The following ANO4 variants were observed in gnomAD, a reference collection of about 807,000 sequenced individuals.
The protein encoded by ANO4 is anoctamin 4.
A neutral mutation model predicts 141.9 loss-of-function variants in ANO4; 69 were observed. The ratio of observed to expected loss-of-function variants is 0.49; its 90% CI spans 0.40 to 0.59. The LOEUF (loss-of-function observed/expected upper bound fraction) is 0.59, where lower values mean the gene tolerates loss of function less well. Ranked by LOEUF, ANO4 falls within the 20% of genes least tolerant of loss-of-function variation. The pLI, the probability that ANO4 is intolerant of heterozygous loss-of-function variation, is 0.00. For synonymous variants in ANO4, 350 were observed against 394.3 expected, an observed-to-expected ratio of 0.89 and a Z score of 1.33; for missense variants, 894 against 1,162.2, an observed-to-expected ratio of 0.77 and a Z score of 3.36.
chr12:100,899,683 C>T (rs2040499985), intron 1 of ANO4, among the ~76,000 whole-genome samples: 2 of 152,164 alleles, frequency 1.3e-5, no homozygotes, highest in African/African-American at 4.8e-5. Flanking sequence ...TTTAAGGTGA[C>T]CCTTCTTACC....
intron 3 of ANO4, among the ~76,000 whole-genome samples, chr12:100,787,216 A>G (rs1054970337): frequency 7.5e-6 from 1 of 133,206 alleles, no homozygotes; most frequent in Non-Finnish European, 1.7e-5. Context: ...CATTGGGGAC[A>G]TGCAGATGGA....
chr12:100,984,253 T>G (rs2044612927), intron 7 of ANO4, among the ~76,000 whole-genome samples: 1 of 152,178 alleles, frequency 6.6e-6, no homozygotes, highest in Non-Finnish European at 1.5e-5. Flanking sequence ...CACACCACCA[T>G]GCCTGGCTAA....
intron 5 of ANO4, among the ~76,000 whole-genome samples, chr12:100,947,734 A>G (rs1214979136): frequency 6.6e-6 from 1 of 152,190 alleles, no homozygotes; most frequent in African/African-American, 2.4e-5. Flanking sequence ...ATCACTTACT[A>G]TTATAATTTC....
chr12:100,982,510 A>G (rs1387149287), intron 7 of ANO4, among the ~76,000 whole-genome samples: 2 of 152,228 alleles, frequency 1.3e-5, no homozygotes, highest in Non-Finnish European at 2.9e-5. Flanking sequence ...TTGAACTTTT[A>G]TTGGGAAAAG....
At position 100,939,393 on chromosome 12, in the gene ANO4, A is replaced by G. The variant is rs759504959; in HGVS notation, c.239A>G (p.His80Arg). 3.1e-6 allele frequency: 5 copies of G among 1,613,652 alleles called. No individual in the cohort carries two copies. The highest frequency in any genetic ancestry group is 4.2e-6 in the Non-Finnish European group (5 of 1,179,768). Residue 80 changes from histidine (H) to arginine (R), a missense_variant, in exon 4 of 28, where the codon CAC (histidine) becomes CGC (arginine). By Grantham distance (29) the His-to-Arg change is conservative. This residue lies in a region of ANO4 where 257 missense variants were observed against 253.0 expected (regional missense o/e 1.02). Coordinates refer to ENST00000392977, the MANE Select transcript of ANO4 (RefSeq NM_001286615.2). ...SPCKDDDSLLHPGNLTSTSDD... is the reference protein window; with the variant it reads ...SPCKDDDSLLRPGNLTSTSDD... ...TGCAAAGATGACGATTCTCTTCTTCACCCTGGAAACCTGACTAGTACTTCA... is the reference window on the plus strand; with the variant it reads ...TGCAAAGATGACGATTCTCTTCTTCGCCCTGGAAACCTGACTAGTACTTCA...
intron 3 of ANO4, among the ~76,000 whole-genome samples, chr12:100,768,633 A>G (rs934083873): frequency 2.8e-4 from 43 of 152,300 alleles, no homozygotes; most frequent in African/African-American, 9.4e-4. Context: ...GCCCCTACAT[A>G]GTAATTCTTC....
At chr12:101,048,104 G>T in intron 13 of ANO4, 1 of 1,153,938 alleles carries the variant, frequency 8.7e-7, no homozygotes. Context: ...GCTGATAAAT[G>T]TTCAACTAGA....
chr12:100,980,074 T>G (rs1166725969), intron 7 of ANO4, among the ~76,000 whole-genome samples: 1 of 152,062 alleles, frequency 6.6e-6, no homozygotes, highest in African/African-American at 2.4e-5. Flanking sequence ...AAGGAATGGC[T>G]TACAAAACAC....
At chr12:100,959,451 C>A (rs2043312722) in intron 5 of ANO4, among the ~76,000 whole-genome samples, 1 of 152,218 alleles carries the variant, frequency 6.6e-6, no homozygotes, top group Non-Finnish European at 1.5e-5. Flanking sequence ...CTCTTCTACA[C>A]TTCACAGAAA....
intron 3 of ANO4, among the ~76,000 whole-genome samples, chr12:100,766,869 T>C (rs554898996): frequency 6.6e-6 from 1 of 152,320 alleles, no homozygotes; most frequent in Admixed American, 6.5e-5. Flanking sequence ...TCTGTTACTA[T>C]TGCTTTATAT....
chr12:101,048,232 C>T, intron 13 of ANO4, 109 bp from the exon 14 acceptor site: 2 of 1,293,552 alleles, frequency 1.5e-6, no homozygotes, highest in Non-Finnish European at 2.2e-6. Context: ...AAAACAAAGC[C>T]TGTAAAACTC....
intron 22 of ANO4, among the ~76,000 whole-genome samples, chr12:101,102,036 A>T (rs953030336): frequency 1.3e-5 from 2 of 152,038 alleles, no homozygotes; most frequent in Non-Finnish European, 1.5e-5. Flanking sequence ...GTGAGCCAAG[A>T]TTGCACCATT....
chr12:100,938,387 T>G (rs970336589), intron 3 of ANO4, among the ~76,000 whole-genome samples: 1 of 152,340 alleles, frequency 6.6e-6, no homozygotes, highest in Middle Eastern at 3.4e-3. Flanking sequence ...AAAATGTTTT[T>G]GAATGAAAGA....
intron 1 of ANO4, among the ~76,000 whole-genome samples, chr12:100,887,140 TTTCTGG>T (rs1284398587): frequency 5.3e-5 from 8 of 152,264 alleles, no homozygotes; most frequent in Non-Finnish European, 1.2e-4. Flanking sequence ...TCATTTGATG[TTTCTGG>T]TAGTAAACCA....
intron 17 of ANO4, among the ~76,000 whole-genome samples, chr12:101,091,347 A>G (rs749344721): frequency 1.3e-5 from 2 of 152,178 alleles, no homozygotes; most frequent in Non-Finnish European, 2.9e-5. Context: ...TACCCTCCTC[A>G]GCTATCTGTG....
At chr12:101,026,869 A>G (rs1210249429) in intron 9 of ANO4, among the ~76,000 whole-genome samples, 1 of 152,208 alleles carries the variant, frequency 6.6e-6, no homozygotes, top group African/African-American at 2.4e-5. Flanking sequence ...GAAGAAAAAA[A>G]TGGATAACCT....
chr12:100,933,433 T>TG (rs2042162042), intron 3 of ANO4, among the ~76,000 whole-genome samples: 2 of 152,210 alleles, frequency 1.3e-5, no homozygotes, highest in African/African-American at 2.4e-5. Context: ...TCCATGTCCC[T>TG]GCAAAGGACG....
intron 17 of ANO4, among the ~76,000 whole-genome samples, chr12:101,093,996 C>A (rs1482853254): frequency 4.6e-5 from 7 of 152,082 alleles, no homozygotes; most frequent in African/African-American, 1.7e-4. Flanking sequence ...AAATTATTCG[C>A]CCCAAAATAA....
intron 5 of ANO4, among the ~76,000 whole-genome samples, chr12:100,945,723 A>C (rs1314099576): frequency 1.3e-5 from 2 of 152,142 alleles, no homozygotes; most frequent in South Asian, 4.1e-4. Flanking sequence ...CTAATGGAGC[A>C]CCCTCCCGCT....
Sources: allele counts gnomAD v4.1 joint callset (sites outside exome capture counted in the v4.1 genomes callset), GRCh38; gene constraint gnomAD v4.1.1; regional missense constraint gnomAD v4.1.1; transcripts MANE v1.5; gene names NCBI Gene and HGNC (gene_info 2026-07-23, HGNC 2026-07-21).